The following BAP1 variants were observed in gnomAD, a reference collection of about 807,000 sequenced individuals.
BAP1 encodes the protein ubiquitin carboxyl-terminal hydrolase BAP1.
Under a neutral mutation model 77.2 loss-of-function variants are expected in BAP1, and 16 were observed. That is an observed-to-expected ratio of 0.21 (90% CI 0.14 to 0.31). The LOEUF (loss-of-function observed/expected upper bound fraction) is 0.31. Among genes scored for constraint, BAP1 ranks in the 10% least tolerant of loss-of-function variants. The pLI, the probability that BAP1 is intolerant of heterozygous loss-of-function variation, is 1.00. For synonymous variants in BAP1, 362 were observed against 385.2 expected (o/e 0.94, Z 0.71); for missense variants, 699 against 967.3 (o/e 0.72, Z 3.68).
chr3:52,405,588 A>G (rs1157952542), intron 10 of BAP1, 177 bp downstream of exon 10: 10 of 944,550 alleles, frequency 1.1e-5, no homozygotes, highest in Non-Finnish European at 1.6e-5. Flanking sequence ...CTGTGGTAAC[A>G]GCGGCCCTTT....
At chr3:52,409,267 TTGTG>T (rs994915507) in intron 3 of BAP1, among the ~76,000 whole-genome samples, 13 of 152,128 alleles carry the variant, frequency 8.5e-5, no homozygotes, top group Non-Finnish European at 1.8e-4. Flanking sequence ...ACAAAAGACA[TTGTG>T]TGACCGGGGT....
Position 52,406,741 on chromosome 3 carries a change from C to A in BAP1, c.659+88G>T, listed in dbSNP as rs1705170574. 7.1e-7 allele frequency: 1 copy of A among 1,415,280 alleles called. No individual in the cohort carries two copies. Among genetic ancestry groups the A allele is most frequent in the Non-Finnish European group, 9.8e-7 (1 of 1,024,182 alleles). 87.7% of individuals were successfully genotyped at this position (1,415,280 alleles called of 1,614,324 possible). On this transcript the variant is annotated intron_variant, in intron 8 of 16. Coordinates refer to ENST00000460680, the MANE Select transcript of BAP1 (RefSeq NM_004656.4). The surrounding 1 kb of genome is among the most constrained non-coding windows in gnomAD (Gnocchi z 4.6). ...TTGCCAGATTCACCATATGGCCTTG[C>A]AATTTACAAATCACCTGGATACTCT...
rs2153227364 is a variant in BAP1, at chr3:52,406,154, A to G, written c.783+99T>C. ...GTTAGCTGAAGCCCAGATCTACAAG[A>G]GAGTATGTTCACGAATCAGAGACAA... On this transcript the variant is annotated intron_variant, in intron 9 of 16. Transcript: ENST00000460680. This position sits in a 1 kb window ranked among gnomAD's most constrained non-coding sequence, Gnocchi z 4.6. The G allele has an allele frequency of 6.3e-7, 1 of 1,596,772 alleles. No homozygotes were observed. The highest frequency in any genetic ancestry group is 8.6e-7 in the Non-Finnish European group (1 of 1,168,388).
rs749405309 is a variant in BAP1 at position 52,407,973 on chromosome 3, C to T, written c.360G>A (p.Lys120=). 1.2e-5 allele frequency: 20 copies of T among 1,613,810 alleles called. No homozygotes were observed. In the South Asian group the frequency reaches 1.9e-4, roughly 15 times the overall value. The stretch of plus-strand genomic sequence containing the variant: ...TGCAGCCTACCTCAGGGCTGAAACC[C>T]TTGGTGAAGTCCTTCATGCGACTCA... ...PTLSRMKDFT[K]GFSPESKGYA... is the part of the protein sequence containing the mutation. Residue 120 remains lysine, a synonymous_variant, in exon 5 of 17, where the codon AAG becomes AAA. Transcript: ENST00000460680.
rs148624125 is a variant in BAP1, at chr3:52,402,800, T to G, written c.1962A>C (p.Val654=). The G allele has an allele frequency of 1.9e-4, 314 of 1,614,120 alleles. 1 individual carries two copies. The highest frequency in any genetic ancestry group is 4.9e-4 in the Middle Eastern group (3 of 6,084). ...CCACCTTGAACTTCTTCCTCTTCTCTACCTCCTCCTTGAGGCACGCCTCAT... is the reference window on the plus strand; with the variant it reads ...CCACCTTGAACTTCTTCCTCTTCTCGACCTCCTCCTTGAGGCACGCCTCAT... ...ANYEACLKEE[V]EKRKKFKIDD... Residue 654 remains valine (V), a synonymous_variant, in exon 15 of 17, where the codon GTA becomes GTC. Coordinates refer to ENST00000460680, the MANE Select transcript of BAP1 (RefSeq NM_004656.4). The surrounding 1 kb of genome is among the most constrained non-coding windows in gnomAD (Gnocchi z 5.3).
chr3:52,405,945 G>A lies in BAP1; in HGVS notation c.784-33C>T, dbSNP rs759248346. The A allele has an allele frequency of 3.1e-6, 5 of 1,613,126 alleles. No homozygotes were observed. The South Asian group carries it at 4.4e-5, about 14-fold the overall frequency. The stretch of plus-strand genomic sequence containing the variant: ...CAGAATCCAGGGCTCAGAGGAGAAA[G>A]GGTAGACCCGGGCTTCTACCTTAAA... On this transcript the variant is annotated intron_variant, in intron 9 of 16. Coordinates refer to ENST00000460680, the MANE Select transcript of BAP1 (RefSeq NM_004656.4).
In BAP1 at chr3:52,403,742, C is replaced by T; in HGVS notation, c.1403G>A (p.Ser468Asn). 1 of 1,614,076 alleles carries T rather than the reference C, an allele frequency of 6.2e-7. No homozygotes were observed. Among genetic ancestry groups the T allele is most frequent in the South Asian group, 1.1e-5 (1 of 91,086 alleles). The change falls in exon 13 of 17, where the codon AGC becomes AAC. Residue 468 changes from serine to asparagine, a missense_variant. Physicochemically the swap from Ser to Asn is conservative, Grantham distance 46 (BLOSUM62 1). Transcript: ENST00000460680. This position sits in a 1 kb window ranked among gnomAD's most constrained non-coding sequence, Gnocchi z 4.0. ...DLSIPLSIKT[S>N]SGAGSPAVAV... The stretch of plus-strand genomic sequence containing the variant: ...CACAGCCGGACTCCCAGCCCCGCTG[C>T]TAGTCTTGATGGACAGAGGAATTGA...
rs772037576 is a variant in BAP1, at chr3:52,403,526, C to T, written c.1619G>A (p.Arg540His). ...VLFGEDDSLL[R>H]VDCIRYNRAV... ...ACGGTTGTAGCGTATGCAGTCAACA[C>T]GCAGCAGGCTGTCATCCTCTCCAAA... The change falls in exon 13 of 17, where the codon CGT (arginine) becomes CAT (histidine). Residue 540 changes from arginine (R) to histidine (H), a missense_variant. Arg to His is a conservative substitution (Grantham distance 29). Transcript: ENST00000460680. The surrounding 1 kb of genome is among the most constrained non-coding windows in gnomAD (Gnocchi z 4.0). 1.1e-5 allele frequency: 18 copies of T among 1,613,944 alleles called. No individual in the cohort carries two copies. Among genetic ancestry groups the T allele is most frequent in the South Asian group, 2.2e-5 (2 of 91,092 alleles).
At position 52,409,870 on chromosome 3, in the gene BAP1, CTTA is replaced by C; in HGVS notation, c.6_8del (p.Asn2del). 6.2e-7 allele frequency: 1 copy of C among 1,609,600 alleles called. No homozygotes were observed. Among genetic ancestry groups the C allele is most frequent in the Non-Finnish European group, 8.5e-7 (1 of 1,179,922 alleles). Reference sequence around the variant, plus strand: ...GGTCGCTCTCCAGCTCCAGCCAGCCCTTATTCATCTTCCCGCGGGGCGGCCCCT... The same window carrying C: ...GGTCGCTCTCCAGCTCCAGCCAGCCCTTCATCTTCCCGCGGGGCGGCCCCT... On this transcript the variant is annotated inframe_deletion, in exon 1 of 17. Coordinates refer to ENST00000460680, the MANE Select transcript of BAP1 (RefSeq NM_004656.4).
In BAP1 at chr3:52,409,698, G is replaced by C. The variant is rs754256151; in HGVS notation, c.67+16C>G. ...GCCGCCACAGCCCCGGTCCGGCAGGGAGAAAAGGCTCTTACCGAAATCTTC... is the reference window on the plus strand; with the variant it reads ...GCCGCCACAGCCCCGGTCCGGCAGGCAGAAAAGGCTCTTACCGAAATCTTC... On this transcript the variant is annotated intron_variant, in intron 2 of 16. Transcript: ENST00000460680. 1.9e-6 allele frequency: 3 copies of C among 1,614,168 alleles called. No individual in the cohort carries two copies. The highest frequency in any genetic ancestry group is 1.7e-5 in the Admixed American group (1 of 60,030).
Position 52,405,112 on chromosome 3 carries a change from G to C in BAP1, c.1114C>G (p.Gln372Glu), listed in dbSNP as rs1705105625. The change falls in exon 11 of 17, where the codon CAG (glutamine) becomes GAG (glutamate). Residue 372 changes from glutamine (Q) to glutamate (E), a missense_variant and splice_region_variant. This residue lies in a region of BAP1 where 475 missense variants were observed against 532.4 expected (regional missense o/e 0.89). Coordinates refer to ENST00000460680, the MANE Select transcript of BAP1 (RefSeq NM_004656.4). Reference sequence around the variant, plus strand: ...CTGCAAGGGTGCTCCCAGCTTACCTGCATGGGGGACTTGGCATAATTGTGA... The same window carrying C: ...CTGCAAGGGTGCTCCCAGCTTACCTCCATGGGGGACTTGGCATAATTGTGA... ...DNHNYAKSPM[Q>E]EEEDLAAGVG... 1.2e-6 allele frequency: 2 copies of C among 1,614,120 alleles called. No homozygotes were observed. Among genetic ancestry groups the C allele is most frequent in the Non-Finnish European group, 1.7e-6 (2 of 1,180,024 alleles).
rs1331702100 is a variant in BAP1 at position 52,405,414 on chromosome 3, A to G, written c.932-120T>C. The G allele has an allele frequency of 3.0e-5, 31 of 1,026,558 alleles. No individual in the cohort carries two copies. In the East Asian group the frequency reaches 3.5e-4, roughly 12 times the overall value. 63.6% of individuals were successfully genotyped at this position (1,026,558 alleles called of 1,614,324 possible). Reference sequence around the variant, plus strand: ...AAGAACAGCCCAGCCAGCTGGTGCAATGGGAGTCAGCAAGCTCTAAGTCAT... The same window carrying G: ...AAGAACAGCCCAGCCAGCTGGTGCAGTGGGAGTCAGCAAGCTCTAAGTCAT... On this transcript the variant is annotated intron_variant, in intron 10 of 16. Coordinates refer to ENST00000460680, the MANE Select transcript of BAP1 (RefSeq NM_004656.4).
Position 52,405,726 on chromosome 3 carries a change from G to A in BAP1, c.931+39C>T, listed in dbSNP as rs373478215. 4.7e-5 allele frequency: 75 copies of A among 1,611,072 alleles called. No homozygotes were observed. The African/African-American group carries it at 8.6e-4, about 18-fold the overall frequency. ...CCTCCCATGTCAGACATTAGCGGGT[G>A]GCTCTGAGGTCCACAAGAGGTCCCA... On this transcript the variant is annotated intron_variant, in intron 10 of 16. Coordinates refer to ENST00000460680, the MANE Select transcript of BAP1 (RefSeq NM_004656.4).
rs564875789 is a variant in BAP1, at chr3:52,407,946, A to T, written c.375+12T>A. The stretch of plus-strand genomic sequence containing the variant: ...GTTGGCTGTGAGCCAGGATGAAGGC[A>T]CTGCAGCCTACCTCAGGGCTGAAAC... On this transcript the variant is annotated intron_variant, in intron 5 of 16. Coordinates refer to ENST00000460680, the MANE Select transcript of BAP1 (RefSeq NM_004656.4). 131 of 1,613,380 alleles carry T rather than the reference A, an allele frequency of 8.1e-5. 1 individual carries two copies. The South Asian group carries it at 1.3e-3, about 16-fold the overall frequency.
Position 52,403,240 on chromosome 3 carries a change from G to A in BAP1, c.1788C>T (p.Ser596=), listed in dbSNP as rs2153226488. Residue 596 remains serine, a synonymous_variant, in exon 14 of 17, where the codon AGC becomes AGT. Coordinates refer to ENST00000460680, the MANE Select transcript of BAP1 (RefSeq NM_004656.4). This position sits in a 1 kb window ranked among gnomAD's most constrained non-coding sequence, Gnocchi z 4.0. ...CCACGACCTCCTTCTCCACTGGGCT[G>A]CTGGACCCCTGGCTGCCTTGGATTG... ...IRPIQGSQGS[S]SPVEKEVVEA... is the part of the protein sequence containing the mutation. 2.5e-6 allele frequency: 4 copies of A among 1,614,166 alleles called. No individual in the cohort carries two copies. The highest frequency in any genetic ancestry group is 3.4e-6 in the Non-Finnish European group (4 of 1,180,038).
rs2153228168 is a variant in BAP1 at position 52,408,090 on chromosome 3, G to C, written c.256-13C>G. ...AGTTGGGTATCAGCTGTGAAACCAA[G>C]AATAGTCACCCATACACAGCACCCC... On this transcript the variant is annotated splice_polypyrimidine_tract_variant and intron_variant, in intron 4 of 16. Coordinates refer to ENST00000460680, the MANE Select transcript of BAP1 (RefSeq NM_004656.4). 1 of 1,596,154 alleles carries C rather than the reference G, an allele frequency of 6.3e-7. No individual in the cohort carries two copies. The highest frequency in any genetic ancestry group is 8.5e-7 in the Non-Finnish European group (1 of 1,170,212).
chr3:52,403,724 G>C lies in BAP1; in HGVS notation c.1421C>G (p.Pro474Arg). 6.2e-7 allele frequency: 1 copy of C among 1,614,010 alleles called. No homozygotes were observed. Among genetic ancestry groups the C allele is most frequent in the Non-Finnish European group, 8.5e-7 (1 of 1,180,006 alleles). Reference protein sequence around the residue: ...SIKTSSGAGSPAVAVPTHSQP... With the variant: ...SIKTSSGAGSRAVAVPTHSQP... ...CGAGTGTGTGGGCACTGCCACAGCC[G>C]GACTCCCAGCCCCGCTGCTAGTCTT... The change falls in exon 13 of 17, where the codon CCG becomes CGG. Residue 474 changes from proline to arginine, a missense_variant. Pro to Arg is a moderately radical substitution (Grantham distance 103). Transcript: ENST00000460680. This position sits in a 1 kb window ranked among gnomAD's most constrained non-coding sequence, Gnocchi z 4.0.
At position 52,406,797 on chromosome 3, in the gene BAP1, A is replaced by C; in HGVS notation, c.659+32T>G. 1.9e-6 allele frequency: 3 copies of C among 1,550,930 alleles called. No individual in the cohort carries two copies. The highest frequency in any genetic ancestry group is 1.2e-5 in the South Asian group (1 of 84,076). ...CCTCCCAAAGTAGGTACAGCTCCAGAGAGTAGAACAGGGCAGGCACAGGGC... is the reference window on the plus strand; with the variant it reads ...CCTCCCAAAGTAGGTACAGCTCCAGCGAGTAGAACAGGGCAGGCACAGGGC... On this transcript the variant is annotated intron_variant, in intron 8 of 16. Transcript: ENST00000460680. The surrounding 1 kb of genome is among the most constrained non-coding windows in gnomAD (Gnocchi z 4.6).
rs1553646278 is a variant in BAP1, at chr3:52,409,554, C to A, written c.122G>T (p.Gly41Val). 2.5e-6 allele frequency: 4 copies of A among 1,614,176 alleles called. No homozygotes were observed. Among genetic ancestry groups the A allele is most frequent in the Non-Finnish European group, 3.4e-6 (4 of 1,180,008 alleles). The change falls in exon 3 of 17, where the codon GGC (glycine) becomes GTC (valine). Residue 41 changes from glycine (G) to valine (V), a missense_variant and splice_region_variant. Gly to Val is a moderately radical substitution (Grantham distance 109). Transcript: ENST00000460680. ...GCAGCCCTGGTGTACAGCCACTCACCCCTGACATTTGCTCTGAAGGTCGTA... is the reference window on the plus strand; with the variant it reads ...GCAGCCCTGGTGTACAGCCACTCACACCTGACATTTGCTCTGAAGGTCGTA... ...EIYDLQSKCQ[G>V]PVYGFIFLFK... is the part of the protein sequence containing the mutation.
Sources: allele counts gnomAD v4.1 joint callset (sites outside exome capture counted in the v4.1 genomes callset), GRCh38; gene constraint gnomAD v4.1.1; regional missense constraint gnomAD v4.1.1; non-coding constraint Gnocchi (gnomAD v3.1); transcripts MANE v1.5; gene names NCBI Gene and HGNC (gene_info 2026-07-23, HGNC 2026-07-21).